Variants in PIP5K1C observed in about 807,000 individuals in gnomAD.
The protein encoded by PIP5K1C is phosphatidylinositol-4-phosphate 5-kinase type 1 gamma, also known as phosphatidylinositol 4-phosphate 5-kinase type-1 gamma.
A neutral mutation model predicts 80.1 loss-of-function variants in PIP5K1C; 45 were observed. The ratio of observed to expected loss-of-function variants is 0.56; its 90% CI spans 0.44 to 0.72. The LOEUF (loss-of-function observed/expected upper bound fraction) is 0.72. Ranked by LOEUF, PIP5K1C falls within the 30% of genes least tolerant of loss-of-function variation. The probability of loss-of-function intolerance (pLI) is 0.00; values close to 1 mark genes in which losing one functional copy is unlikely to be tolerated. For synonymous variants in PIP5K1C, 498 were observed against 420.1 expected (o/e 1.19, Z -2.27); for missense variants, 753 against 954.6 (o/e 0.79, Z 2.78).
At chr19:3,635,588 G>A (rs2033649681) in intron 16 of PIP5K1C, among the ~76,000 whole-genome samples, 1 of 152,224 alleles carries the variant, frequency 6.6e-6, no homozygotes, top group Non-Finnish European at 1.5e-5. Context: ...GGGAGGCTGA[G>A]GCAGAAGAAT....
chr19:3,684,599 G>A (rs532761245), intron 1 of PIP5K1C, among the ~76,000 whole-genome samples: 1 of 152,230 alleles, frequency 6.6e-6, no homozygotes, highest in Non-Finnish European at 1.5e-5. Flanking sequence ...CAGCAGAACC[G>A]ACCTGCTGAG....
chr19:3,683,965 C>T (rs1208049011), intron 1 of PIP5K1C, among the ~76,000 whole-genome samples: 1 of 147,814 alleles, frequency 6.8e-6, no homozygotes, highest in Non-Finnish European at 1.5e-5. Context: ...CTCTCCCGGG[C>T]AGTCCCACAC....
At chr19:3,633,203 G>T in intron 17 of PIP5K1C, 34 bp from the exon 18 acceptor site, 1 of 757,188 alleles carries the variant, frequency 1.3e-6, no homozygotes, top group African/African-American at 1.7e-5. Context: ...AAGGTGGGCG[G>T]GGCGAGGGCC....
intron 16 of PIP5K1C, 127 bp downstream of exon 16, chr19:3,638,757 G>A: frequency 1.0e-6 from 1 of 994,644 alleles, no homozygotes; most frequent in South Asian, 1.8e-5. Context: ...AGAGCATGTG[G>A]GTGGGTCGAC....
intron 1 of PIP5K1C, among the ~76,000 whole-genome samples, chr19:3,686,537 G>C (rs1289442167): frequency 6.6e-6 from 1 of 151,216 alleles, no homozygotes; most frequent in Admixed American, 6.6e-5. Flanking sequence ...TGACCAACAT[G>C]GAGAAACCCC....
intron 1 of PIP5K1C, among the ~76,000 whole-genome samples, chr19:3,679,481 T>C (rs931820689): frequency 1.3e-5 from 2 of 152,204 alleles, no homozygotes; most frequent in African/African-American, 4.8e-5. Flanking sequence ...ACACTGCACA[T>C]CAGTTGGGAC....
In PIP5K1C at chr19:3,696,994, C is replaced by T. The variant is rs147383831; in HGVS notation, c.94+3303G>A. On this transcript the variant is annotated intron_variant, in intron 1 of 17. Coordinates refer to ENST00000335312, the MANE Select transcript of PIP5K1C (RefSeq NM_012398.3). The surrounding 1 kb of genome is among the most constrained non-coding windows in gnomAD (Gnocchi z 4.1). Reference sequence around the variant, plus strand: ...CTGGACCGAGGAGGACTGAGCTGGACGGAGGAGGATCGAGCTGGACCGAGG... The same window carrying T: ...CTGGACCGAGGAGGACTGAGCTGGATGGAGGAGGATCGAGCTGGACCGAGG... Among the ~76,000 whole-genome samples the T allele has an allele frequency of 1.3e-3, 202 of 151,978 alleles. 1 individual carries two copies. Among genetic ancestry groups the T allele is most frequent in the African/African-American group, 4.6e-3 (192 of 41,450 alleles).
intron 6 of PIP5K1C, 106 bp from the exon 7 acceptor site, chr19:3,653,695 G>GC: frequency 9.3e-7 from 1 of 1,076,262 alleles, no homozygotes; most frequent in Non-Finnish European, 1.3e-6. Context: ...CCCCTGGCCA[G>GC]CCCCCCTCTC....
chr19:3,681,279 G>GGAGT (rs2035581782), intron 1 of PIP5K1C, among the ~76,000 whole-genome samples: 1 of 150,410 alleles, frequency 6.6e-6, no homozygotes, highest in African/African-American at 2.5e-5. Flanking sequence ...CGCCCAGGCT[G>GGAGT]GAGTGCAGTG....
At chr19:3,660,865 A>C in intron 5 of PIP5K1C, 101 bp downstream of exon 5, 2 of 871,486 alleles carry the variant, frequency 2.3e-6, no homozygotes, top group Non-Finnish European at 3.9e-6. Flanking sequence ...TACACGAGGA[A>C]CCCAGGGAGG....
chr19:3,639,041 T>G (rs1599926227), intron 15 of PIP5K1C, 25 bp from the exon 16 acceptor site: 1 of 1,606,584 alleles, frequency 6.2e-7, no homozygotes, highest in Non-Finnish European at 8.5e-7. Flanking sequence ...AGACAGAGGG[T>G]CTTGACCCTC....
In PIP5K1C at chr19:3,655,767, G is replaced by C. The variant is rs139287629; in HGVS notation, c.621+638C>G. Among the ~76,000 whole-genome samples the C allele has an allele frequency of 4.5e-3, 689 of 152,328 alleles. 6 individuals carry two copies. Among genetic ancestry groups the C allele is most frequent in the African/African-American group, 0.016 (662 of 41,584 alleles). On this transcript the variant is annotated intron_variant, in intron 6 of 17. Transcript: ENST00000335312. ...TCACAGGCTGTGCTGTGCTGCCCAGGGCCGGGCAGCAGCTTGGGCCTGGCA... is the reference window on the plus strand; with the variant it reads ...TCACAGGCTGTGCTGTGCTGCCCAGCGCCGGGCAGCAGCTTGGGCCTGGCA...
intron 16 of PIP5K1C, among the ~76,000 whole-genome samples, chr19:3,634,011 T>C (rs928354765): frequency 2.0e-5 from 3 of 152,014 alleles, no homozygotes; most frequent in Admixed American, 6.5e-5. Flanking sequence ...CCTGAATATA[T>C]GGCTGCCTGC....
rs60765652 is a variant in PIP5K1C at position 3,639,164 on chromosome 19, G to A, written c.1788-148C>T. ...CTGACCACAGGCCGCGCGCTCCTGC[G>A]CTGCCATTTATCGCAAATCAGAACA... On this transcript the variant is annotated intron_variant, in intron 15 of 17. Coordinates refer to ENST00000335312, the MANE Select transcript of PIP5K1C (RefSeq NM_012398.3). 647 of 929,614 alleles carry A rather than the reference G, an allele frequency of 7.0e-4. 4 individuals are homozygous for A. Among genetic ancestry groups the A allele is most frequent in the Middle Eastern group, 3.1e-4 (1 of 3,216 alleles). 57.6% of individuals were successfully genotyped at this position (929,614 alleles called of 1,614,324 possible). A position where few individuals can be genotyped will look rare whatever the true frequency, so the allele number is the denominator to read the frequency against.
chr19:3,662,027 C>G (rs768388325), intron 3 of PIP5K1C, 26 bp from the exon 4 acceptor site: 1 of 1,562,366 alleles, frequency 6.4e-7, no homozygotes, highest in Admixed American at 1.9e-5. Flanking sequence ...AGTGTCAGGG[C>G]CCCCGGCTGC....
At chr19:3,676,397 G>T (rs1014473381) in intron 1 of PIP5K1C, among the ~76,000 whole-genome samples, 1 of 152,278 alleles carries the variant, frequency 6.6e-6, no homozygotes, top group African/African-American at 2.4e-5. Flanking sequence ...GCTTGGTTCT[G>T]AGCCCTGCGG....
chr19:3,636,459 G>GT, intron 16 of PIP5K1C: 19 of 985,604 alleles, frequency 1.9e-5, no homozygotes, highest in Non-Finnish European at 2.3e-5. Flanking sequence ...CAAGTCAGGT[G>GT]TTTTTCAAAG....
At chr19:3,678,619 G>T (rs1404934633) in intron 1 of PIP5K1C, among the ~76,000 whole-genome samples, 1 of 133,756 alleles carries the variant, frequency 7.5e-6, no homozygotes, top group Admixed American at 7.3e-5. Flanking sequence ...TGGAAGGAGG[G>T]ATGGAGAGAT....
intron 3 of PIP5K1C, 131 bp from the exon 4 acceptor site, chr19:3,662,132 T>C: frequency 8.7e-7 from 1 of 1,150,160 alleles, no homozygotes; most frequent in Non-Finnish European, 1.2e-6. Context: ...CCCCTCCTGG[T>C]GGTCCCCGGG....
Sources: gnomAD v4.1 joint callset for allele counts (sites outside exome capture counted in the v4.1 genomes callset) on GRCh38, gnomAD v4.1.1 for gene constraint, Gnocchi (gnomAD v3.1) non-coding constraint, MANE v1.5 for transcripts, NCBI Gene and HGNC (gene_info 2026-07-23, HGNC 2026-07-21) for gene names.